Variants in ZSWIM4 observed in about 807,000 individuals in gnomAD.
ZSWIM4 encodes zinc finger SWIM domain-containing protein 4.
A neutral mutation model predicts 102.5 loss-of-function variants in ZSWIM4; 62 were observed. The ratio of observed to expected loss-of-function variants is 0.60; its 90% CI spans 0.49 to 0.75. The LOEUF (loss-of-function observed/expected upper bound fraction) is 0.75. ZSWIM4 is among the 30% of genes least tolerant of loss of function. ZSWIM4 has a pLI of 0.00. For missense variants in ZSWIM4, 1,280 were observed against 1,529.6 expected (o/e 0.84, Z 2.72); for synonymous variants, 652 against 674.5 (o/e 0.97, Z 0.52).
chr19:13,821,723 A>AT lies in ZSWIM4; in HGVS notation c.2061-1610dup, dbSNP rs61364408. On this transcript the variant is annotated intron_variant, in intron 10 of 13. Coordinates refer to ENST00000590508, the MANE Select transcript of ZSWIM4 (RefSeq NM_001367834.3). ...TGTCACCATGCCTGGCTAGTTTTAA[A>AT]TTTTTTTTTTTTTGAGAGGGAGTCT... Among the ~76,000 whole-genome samples, 238 of 147,444 alleles carry AT rather than the reference A, an allele frequency of 1.6e-3. 1 individual carries two copies. The highest frequency in any genetic ancestry group is 2.4e-3 in the South Asian group (11 of 4,622).
At chr19:13,818,366 C>T (rs1413045967) in intron 9 of ZSWIM4, among the ~76,000 whole-genome samples, 2 of 152,198 alleles carry the variant, frequency 1.3e-5, no homozygotes, top group Admixed American at 6.5e-5. Context: ...TGTTGTGAGA[C>T]TCCGTCCCCT....
intron 5 of ZSWIM4, among the ~76,000 whole-genome samples, chr19:13,811,437 G>A (rs1425022014): frequency 2.0e-5 from 3 of 152,022 alleles, no homozygotes; most frequent in Non-Finnish European, 4.4e-5. Flanking sequence ...GGCTGAGGTA[G>A]GGGGATCACT....
At chr19:13,828,133 G>A (rs1966866137) in intron 12 of ZSWIM4, among the ~76,000 whole-genome samples, 2 of 152,196 alleles carry the variant, frequency 1.3e-5, no homozygotes, top group South Asian at 4.1e-4. Flanking sequence ...ATCAGGCTGG[G>A]TGCAGTGGCT....
chr19:13,805,212 G>A lies in ZSWIM4; in HGVS notation c.712+64G>A, dbSNP rs965109350. ...CAAGCGCACAGCCACGCCACTTGCT[G>A]TGTGCCCAGTGCTGGTCACTTACTG... On this transcript the variant is annotated intron_variant, in intron 3 of 13. Coordinates refer to ENST00000590508, the MANE Select transcript of ZSWIM4 (RefSeq NM_001367834.3). 3.1e-5 allele frequency: 44 copies of A among 1,400,572 alleles called. No individual in the cohort carries two copies. In the East Asian group the frequency reaches 8.7e-4, roughly 28 times the overall value. 86.8% of individuals were successfully genotyped at this position (1,400,572 alleles called of 1,614,324 possible).
At chr19:13,820,511 C>T (rs1975434307) in intron 10 of ZSWIM4, among the ~76,000 whole-genome samples, 2 of 152,252 alleles carry the variant, frequency 1.3e-5, no homozygotes, top group African/African-American at 4.8e-5. Flanking sequence ...TCTGGGATTA[C>T]AGGCGTGAGC....
rs1249317829 is a variant in ZSWIM4, at chr19:13,817,923, T to G, written c.1871T>G (p.Leu624Trp). The part of the protein sequence containing the change: ...QLLALLEEVE[L>W]DERLVQVLRK... ...CTGGCCCTGCTGGAGGAGGTGGAGT[T>G]GGATGAGCGGTTGGTGCAGGTGCTG... is the stretch of plus-strand genomic sequence containing the variant. Residue 624 changes from leucine (L) to tryptophan (W), a missense_variant, in exon 9 of 14, where the codon TTG becomes TGG. Leu to Trp is a moderately conservative substitution (Grantham distance 61). Transcript: ENST00000590508. 1 of 1,545,514 alleles carries G rather than the reference T, an allele frequency of 6.5e-7. No homozygotes were observed. The highest frequency in any genetic ancestry group is 1.2e-5 in the South Asian group (1 of 83,266).
intron 3 of ZSWIM4, among the ~76,000 whole-genome samples, chr19:13,807,952 A>C (rs1217312722): frequency 6.6e-6 from 1 of 152,180 alleles, no homozygotes; most frequent in Non-Finnish European, 1.5e-5. Context: ...TGCAAGCTAC[A>C]CAGGCTTCTG....
Position 13,808,941 on chromosome 19 carries a change from G to T in ZSWIM4, c.818G>T (p.Gly273Val). 6.2e-7 allele frequency: 1 copy of T among 1,609,658 alleles called. No homozygotes were observed. Among genetic ancestry groups the T allele is most frequent in the Non-Finnish European group, 8.5e-7 (1 of 1,178,274 alleles). Reference sequence around the variant, plus strand: ...GTGAAGCAGCTACTGTCCAATGGCGGCTACTACGGGGCCAGCCAGCAGCTG... The same window carrying T: ...GTGAAGCAGCTACTGTCCAATGGCGTCTACTACGGGGCCAGCCAGCAGCTG... ...EQVKQLLSNG[G>V]YYGASQQLRS... Residue 273 changes from glycine (G) to valine (V), a missense_variant, in exon 4 of 14, where the codon GGC becomes GTC. Coordinates refer to ENST00000590508, the MANE Select transcript of ZSWIM4 (RefSeq NM_001367834.3).
intron 12 of ZSWIM4, among the ~76,000 whole-genome samples, chr19:13,826,189 G>A (rs1382019456): frequency 1.3e-5 from 2 of 152,130 alleles, no homozygotes; most frequent in African/African-American, 4.8e-5. Context: ...TGAGGTCTAG[G>A]GGAGAGTTGT....
Position 13,823,424 on chromosome 19 carries a change from C to T in ZSWIM4, c.2139C>T (p.Phe713=), listed in dbSNP as rs143166706. ...SPLDSIMSNR[F]PRWFILGHLE... ...TGGACTCCATCATGAGCAACCGCTT[C>T]CCCCGCTGGTTCATCCTTGGCCACC... The change falls in exon 11 of 14, where the codon TTC becomes TTT. Residue 713 remains phenylalanine (F), a synonymous_variant. Coordinates refer to ENST00000590508, the MANE Select transcript of ZSWIM4 (RefSeq NM_001367834.3). The T allele has an allele frequency of 1.5e-5, 24 of 1,607,904 alleles. No homozygotes were observed. In the African/African-American group the frequency reaches 2.3e-4, roughly 15 times the overall value.
chr19:13,811,896 G>A (rs1233981243), intron 5 of ZSWIM4, among the ~76,000 whole-genome samples: 1 of 151,882 alleles, frequency 6.6e-6, no homozygotes, highest in Non-Finnish European at 1.5e-5. Flanking sequence ...CCAACATGGT[G>A]AAACCCCGCC....
In ZSWIM4 at chr19:13,813,049, G is replaced by T. The variant is rs1975151356; in HGVS notation, c.1065G>T (p.Arg355Ser). Residue 355 changes from arginine to serine, a missense_variant, in exon 6 of 14, where the codon AGG becomes AGT. Physicochemically the swap from Arg to Ser is moderately radical, Grantham distance 110. Transcript: ENST00000590508. ...GCCCCCACTGCAAACCAGAGGAAAGGGCAGGCTGGCTCCAGCTACTCAGCA... is the reference window on the plus strand; with the variant it reads ...GCCCCCACTGCAAACCAGAGGAAAGTGCAGGCTGGCTCCAGCTACTCAGCA... Reference protein sequence around the residue: ...VLSPHCKPEERAGWLQLLSRW... With the variant: ...VLSPHCKPEESAGWLQLLSRW... 6.2e-7 allele frequency: 1 copy of T among 1,613,898 alleles called. No homozygotes were observed. Among genetic ancestry groups the T allele is most frequent in the Non-Finnish European group, 8.5e-7 (1 of 1,179,978 alleles).
At chr19:13,823,837 CTT>C (rs1237943337) in intron 11 of ZSWIM4, among the ~76,000 whole-genome samples, 4 of 152,188 alleles carry the variant, frequency 2.6e-5, no homozygotes, top group Non-Finnish European at 5.9e-5. Context: ...TACCTGGTGT[CTT>C]AGCTCAGGCT....
rs142927101 is a variant in ZSWIM4 at position 13,808,565 on chromosome 19, G to A, written c.713-271G>A. ...AGCCTGACCAACATGGTGAAATCCCGCCTGTACTAAAAATACAAAAAAAAT... is the reference window on the plus strand; with the variant it reads ...AGCCTGACCAACATGGTGAAATCCCACCTGTACTAAAAATACAAAAAAAAT... On this transcript the variant is annotated intron_variant, in intron 3 of 13. Transcript: ENST00000590508. Among the ~76,000 whole-genome samples, 1,516 of 151,814 alleles carry A rather than the reference G, an allele frequency of 1.0e-2. 20 individuals carry two copies. The highest frequency in any genetic ancestry group is 0.035 in the African/African-American group (1,460 of 41,392).
At position 13,826,636 on chromosome 19, in the gene ZSWIM4, G is replaced by A. The variant is rs1479312855; in HGVS notation, c.2379+923G>A. On this transcript the variant is annotated intron_variant, in intron 12 of 13. Transcript: ENST00000590508. ...AAAAATTAGCCAAGCGTGGTGGCAC[G>A]CGCCTGTAATCCCAGCTACTCGGGA... 7.2e-5 allele frequency among the ~76,000 whole-genome samples: 11 copies of A among 152,106 alleles called. No homozygotes were observed. In the East Asian group the frequency reaches 1.2e-3, roughly 16 times the overall value.
At chr19:13,801,004 A>G (rs1974755574) in intron 2 of ZSWIM4, among the ~76,000 whole-genome samples, 1 of 152,008 alleles carries the variant, frequency 6.6e-6, no homozygotes, top group Non-Finnish European at 1.5e-5. Flanking sequence ...TGAGCTGGGC[A>G]TGGTGGCGGG....
At position 13,831,085 on chromosome 19, in the gene ZSWIM4, TC is replaced by T. The variant is rs1568349747; in HGVS notation, c.*36del. The T allele has an allele frequency of 2.0e-6, 3 of 1,525,874 alleles. No homozygotes were observed. Among genetic ancestry groups the T allele is most frequent in the Admixed American group, 2.0e-5 (1 of 49,148 alleles). The allele number at this position is 1,525,874 out of a possible 1,614,324, so 94.5% of individuals were successfully genotyped here. A position where few individuals can be genotyped will look rare whatever the true frequency, so the allele number is the denominator to read the frequency against. On this transcript the variant is annotated 3_prime_UTR_variant, in exon 14 of 14. Coordinates refer to ENST00000590508, the MANE Select transcript of ZSWIM4 (RefSeq NM_001367834.3). ...GGGTGCGTGGGAGTGGGGATCCCCC[TC>T]GCCCCTGCGTCCCCCACCCTTGCTC...
At chr19:13,804,375 C>CA (rs1974854691) in intron 2 of ZSWIM4, among the ~76,000 whole-genome samples, 1 of 151,944 alleles carries the variant, frequency 6.6e-6, no homozygotes, top group Admixed American at 6.6e-5. Flanking sequence ...GAAGCTGAGG[C>CA]AGGAGAATCA....
chr19:13,807,998 C>T (rs906779365), intron 3 of ZSWIM4, among the ~76,000 whole-genome samples: 4 of 152,018 alleles, frequency 2.6e-5, no homozygotes, highest in Admixed American at 6.6e-5. Context: ...ACAATCATGG[C>T]GGAAGGTGAA....
Sources: gnomAD v4.1 joint callset for allele counts (sites outside exome capture counted in the v4.1 genomes callset) on GRCh38, gnomAD v4.1.1 for gene constraint, MANE v1.5 for transcripts, NCBI Gene and HGNC (gene_info 2026-07-23, HGNC 2026-07-21) for gene names.